Variants in RCAN1 observed in about 807,000 individuals in gnomAD.
RCAN1 encodes calcipressin-1.
RCAN1 carries 11 observed loss-of-function variants against 22.9 expected under a neutral mutation model. The ratio of observed to expected loss-of-function variants is 0.48; its 90% CI spans 0.30 to 0.79. The LOEUF (loss-of-function observed/expected upper bound fraction) is 0.79. RCAN1 is among the 30% of genes least tolerant of loss of function. The probability of loss-of-function intolerance (pLI) is 0.06; values close to 1 mark genes in which losing one functional copy is unlikely to be tolerated. For missense variants in RCAN1, 291 were observed against 337.8 expected, an observed-to-expected ratio of 0.86 and a Z score of 1.09; for synonymous variants, 136 against 142.3, an observed-to-expected ratio of 0.96 and a Z score of 0.32.
intron 1 of RCAN1, among the ~76,000 whole-genome samples, chr21:34,578,073 T>A (rs1356956998): frequency 6.6e-6 from 1 of 151,972 alleles, no homozygotes; most frequent in African/African-American, 2.4e-5. Flanking sequence ...CAGGGACCAA[T>A]AAGATGAGGA....
chr21:34,584,466 G>A (rs1047313714), intron 1 of RCAN1, among the ~76,000 whole-genome samples: 7 of 152,022 alleles, frequency 4.6e-5, no homozygotes, highest in South Asian at 2.1e-4. Flanking sequence ...ATGATAGTTC[G>A]TTCTTGTGAA....
chr21:34,526,797 C>G (rs1169355872), intron 1 of RCAN1: 1 of 1,577,740 alleles, frequency 6.3e-7, no homozygotes, highest in Admixed American at 1.9e-5. Context: ...AGTCAAGCCC[C>G]TAGTGAGATT....
chr21:34,574,768 C>T (rs1987354262), intron 1 of RCAN1, among the ~76,000 whole-genome samples: 1 of 152,192 alleles, frequency 6.6e-6, no homozygotes, highest in South Asian at 2.1e-4. Context: ...TGTCTGCTTC[C>T]GCGGCTGAGC....
chr21:34,573,708 G>GATCCAAGCAAAT, intron 1 of RCAN1, among the ~76,000 whole-genome samples: 1 of 152,200 alleles, frequency 6.6e-6, no homozygotes, highest in Non-Finnish European at 1.5e-5. Context: ...ACTCTTTCTT[G>GATCCAAGCAAAT]GTCCTTTCTC....
chr21:34,593,473 C>T (rs932108625), intron 1 of RCAN1, among the ~76,000 whole-genome samples: 1 of 152,198 alleles, frequency 6.6e-6, no homozygotes, highest in Non-Finnish European at 1.5e-5. Context: ...GAAGTGCCAC[C>T]CTTTCACAAC....
At chr21:34,612,602 C>A (rs1227078426) in intron 1 of RCAN1, among the ~76,000 whole-genome samples, 2 of 152,248 alleles carry the variant, frequency 1.3e-5, no homozygotes, top group African/African-American at 4.8e-5. Flanking sequence ...GACTCCACTG[C>A]AGGGGCTCCC....
At chr21:34,555,503 G>T (rs568327324) in intron 1 of RCAN1, among the ~76,000 whole-genome samples, 92 of 150,440 alleles carry the variant, frequency 6.1e-4, no homozygotes, top group African/African-American at 2.2e-3. Flanking sequence ...AGCCCAGGAG[G>T]TCAGCACTGT....
intron 1 of RCAN1, among the ~76,000 whole-genome samples, chr21:34,550,509 G>A (rs1986326557): frequency 6.6e-6 from 1 of 152,210 alleles, no homozygotes; most frequent in South Asian, 2.1e-4. Context: ...ACACCAGACA[G>A]AGAAAAGACC....
chr21:34,563,770 A>AAAAAATATAT (rs1555863394), intron 1 of RCAN1, among the ~76,000 whole-genome samples: 11 of 65,430 alleles, frequency 1.7e-4, no homozygotes, highest in African/African-American at 6.9e-4. Context: ...AAAAAAAAAA[A>AAAAAATATAT]ATATATATAT....
intron 1 of RCAN1, among the ~76,000 whole-genome samples, chr21:34,551,935 A>G (rs2247891): frequency 0.24 from 36,693 of 152,114 alleles, 5,167 homozygotes; most frequent in African/African-American, 0.39. Flanking sequence ...AGCTCTTGAT[A>G]AGGCTTTGGC....
intron 1 of RCAN1, among the ~76,000 whole-genome samples, chr21:34,549,120 C>A (rs1253588843): frequency 6.6e-6 from 1 of 152,088 alleles, no homozygotes; most frequent in African/African-American, 2.4e-5. Flanking sequence ...CTGTCTCCAT[C>A]CCACGTGATG....
intron 1 of RCAN1, among the ~76,000 whole-genome samples, chr21:34,610,989 G>A (rs1346267607): frequency 6.6e-6 from 1 of 152,006 alleles, no homozygotes; most frequent in Non-Finnish European, 1.5e-5. Context: ...AAAGCTCTAT[G>A]AATCAAATAT....
intron 1 of RCAN1, among the ~76,000 whole-genome samples, chr21:34,587,234 C>T (rs1987830270): frequency 6.6e-6 from 1 of 151,950 alleles, no homozygotes; most frequent in Non-Finnish European, 1.5e-5. Context: ...ATACAACTTA[C>T]AAAAATGACA....
At chr21:34,537,684 C>T (rs999779439) in intron 1 of RCAN1, among the ~76,000 whole-genome samples, 2 of 152,230 alleles carry the variant, frequency 1.3e-5, no homozygotes, top group Non-Finnish European at 2.9e-5. Flanking sequence ...GATTAGTCAC[C>T]TGCTAGGGCC....
chr21:34,578,066 G>A (rs1284426297), intron 1 of RCAN1, among the ~76,000 whole-genome samples: 4 of 152,160 alleles, frequency 2.6e-5, no homozygotes, highest in African/African-American at 9.7e-5. Context: ...AGAAGTACAG[G>A]GACCAATAAG....
Position 34,546,610 on chromosome 21 carries a change from T to C in RCAN1, c.253-22900A>G, listed in dbSNP as rs749428467. ...TTAAAAGCAACACCGTCTTAGCAGTTTAAAGACAGACACTGCATGCTCACA... is the reference window on the plus strand; with the variant it reads ...TTAAAAGCAACACCGTCTTAGCAGTCTAAAGACAGACACTGCATGCTCACA... On this transcript the variant is annotated intron_variant, in intron 1 of 3. Coordinates refer to ENST00000313806, the MANE Select transcript of RCAN1 (RefSeq NM_004414.7). Among the ~76,000 whole-genome samples the C allele has an allele frequency of 2.0e-5, 3 of 152,314 alleles. No individual in the cohort carries two copies. In the East Asian group the frequency reaches 5.8e-4, roughly 29 times the overall value.
chr21:34,600,863 G>T (rs1442084953), intron 1 of RCAN1, among the ~76,000 whole-genome samples: 1 of 152,228 alleles, frequency 6.6e-6, no homozygotes, highest in African/African-American at 2.4e-5. Flanking sequence ...ATGCCAGTCT[G>T]CTGGCATAGC....
intron 1 of RCAN1, among the ~76,000 whole-genome samples, chr21:34,545,265 C>G (rs1392402338): frequency 1.3e-5 from 2 of 152,222 alleles, no homozygotes; most frequent in Non-Finnish European, 2.9e-5. Flanking sequence ...GCAGTGTTGA[C>G]TATTTGCTGG....
intron 1 of RCAN1, among the ~76,000 whole-genome samples, chr21:34,568,713 T>C (rs1175879695): frequency 6.6e-6 from 1 of 152,228 alleles, no homozygotes; most frequent in Admixed American, 6.5e-5. Flanking sequence ...TGGGCCTGCT[T>C]TCCAGTAGCT....
Sources: allele counts gnomAD v4.1 joint callset (sites outside exome capture counted in the v4.1 genomes callset), GRCh38; gene constraint gnomAD v4.1.1; transcripts MANE v1.5; gene names NCBI Gene and HGNC (gene_info 2026-07-23, HGNC 2026-07-21).